FAM3B: variants seen among roughly 807,000 people sequenced by gnomAD.
FAM3B encodes the protein protein FAM3B.
In FAM3B, 29 loss-of-function variants were observed where a neutral mutation model predicts 28.4. The observed-to-expected ratio is 1.02, with a 90% CI of 0.76 to 1.39. FAM3B has a LOEUF of 1.39. FAM3B is among the 40% of genes most tolerant of loss of function. The probability of loss-of-function intolerance (pLI) is 0.00; values close to 1 mark genes in which losing one functional copy is unlikely to be tolerated. For missense variants in FAM3B, 266 were observed against 293.9 expected, an observed-to-expected ratio of 0.91 and a Z score of 0.69; for synonymous variants, 91 against 103.0, an observed-to-expected ratio of 0.88 and a Z score of 0.71.
At chr21:41,324,839 C>A (rs1189326646) in intron 2 of FAM3B, among the ~76,000 whole-genome samples, 1 of 152,210 alleles carries the variant, frequency 6.6e-6, no homozygotes, top group Non-Finnish European at 1.5e-5. Flanking sequence ...CAGTGGCTCA[C>A]ACCTATAATC....
intron 5 of FAM3B, chr21:41,346,239 G>A (rs2089058544): frequency 6.5e-6 from 1 of 154,458 alleles, no homozygotes; most frequent in South Asian, 2.0e-4. Flanking sequence ...TTGTTGGCCA[G>A]GATATACTAT....
At chr21:41,323,177 G>C (rs1017117214) in intron 2 of FAM3B, 111 bp downstream of exon 2, 1 of 1,418,866 alleles carries the variant, frequency 7.0e-7, no homozygotes, top group African/African-American at 1.4e-5. Context: ...CTTTATATCA[G>C]GAAGGAGGAG....
intron 2 of FAM3B, among the ~76,000 whole-genome samples, chr21:41,328,769 G>C (rs376506985): frequency 1.3e-5 from 2 of 152,214 alleles, no homozygotes; most frequent in Non-Finnish European, 2.9e-5. Flanking sequence ...ATGAGACGGG[G>C]CAGTCAAGGA....
chr21:41,347,047 T>C lies in FAM3B; in HGVS notation c.432T>C (p.Ser144=). 6.2e-7 allele frequency: 1 copy of C among 1,614,122 alleles called. No individual in the cohort carries two copies. The highest frequency in any genetic ancestry group is 2.2e-5 in the East Asian group (1 of 44,874). Reference sequence around the variant, plus strand: ...GACCGATGACAAAGTTTATTCAGAGTGCTGCTCCAAAATCCCTGCTCTTCA... The same window carrying C: ...GACCGATGACAAAGTTTATTCAGAGCGCTGCTCCAAAATCCCTGCTCTTCA... ...NSGPMTKFIQ[S]AAPKSLLFMV... Residue 144 remains serine, a synonymous_variant, in exon 6 of 8, where the codon AGT becomes AGC. Coordinates refer to ENST00000357985, the MANE Select transcript of FAM3B (RefSeq NM_058186.4).
intron 7 of FAM3B, 111 bp from the exon 8 acceptor site, chr21:41,356,997 T>A (rs2089172875): frequency 5.4e-6 from 3 of 553,920 alleles, no homozygotes; most frequent in Middle Eastern, 3.9e-4. Context: ...CCAGCTTTGG[T>A]TGGAGCAAAT....
At chr21:41,343,993 G>A (rs1309119443) in intron 3 of FAM3B, among the ~76,000 whole-genome samples, 2 of 152,240 alleles carry the variant, frequency 1.3e-5, no homozygotes, top group Admixed American at 6.5e-5. Context: ...AGTGGTGCAC[G>A]CTTGTACTTC....
intron 2 of FAM3B, among the ~76,000 whole-genome samples, chr21:41,324,016 C>T (rs2088833867): frequency 6.6e-6 from 1 of 152,168 alleles, no homozygotes; most frequent in East Asian, 1.9e-4. Context: ...ATGGATGGCT[C>T]CTTCTGGCAA....
intron 5 of FAM3B, chr21:41,346,014 CT>C (rs35090853): frequency 8.8e-4 from 198 of 224,484 alleles, no homozygotes; most frequent in South Asian, 3.3e-3. Context: ...GAGAAAAAGC[CT>C]TTTTTTTAAA....
chr21:41,343,978 G>A (rs1428995697), intron 3 of FAM3B, among the ~76,000 whole-genome samples: 1 of 152,160 alleles, frequency 6.6e-6, no homozygotes, highest in East Asian at 1.9e-4. Context: ...AAATTAGCCT[G>A]TTGTAGTGGT....
upstream of FAM3B, among the ~76,000 whole-genome samples, chr21:41,313,986 T>C (rs1414885776): frequency 2.6e-5 from 4 of 152,288 alleles, no homozygotes; most frequent in East Asian, 7.7e-4. Context: ...ATGAATTGCA[T>C]CCACCCCCAC....
chr21:41,304,634 C>T (rs2088672683), intron 1 of FAM3B, among the ~76,000 whole-genome samples: 1 of 152,226 alleles, frequency 6.6e-6, no homozygotes, highest in South Asian at 2.1e-4. Context: ...CCCCGGCCTG[C>T]AGGCAGCGGG....
intron 3 of FAM3B, among the ~76,000 whole-genome samples, chr21:41,340,234 A>G (rs1601365921): frequency 6.6e-6 from 1 of 150,826 alleles, no homozygotes; most frequent in African/African-American, 2.4e-5. Context: ...GCTCACTGCA[A>G]CCTCCGCCTT....
chr21:41,352,470 G>A (rs1038491169), intron 7 of FAM3B, among the ~76,000 whole-genome samples: 6 of 151,928 alleles, frequency 3.9e-5, no homozygotes, highest in Non-Finnish European at 8.8e-5. Context: ...GGAGGGGAGG[G>A]AAGGGAAGGT....
intron 6 of FAM3B, among the ~76,000 whole-genome samples, 163 bp from the exon 7 acceptor site, chr21:41,348,429 T>C (rs527686243): frequency 6.6e-6 from 1 of 152,300 alleles, no homozygotes; most frequent in East Asian, 1.9e-4. Flanking sequence ...TCAAGAAGCA[T>C]GTGTGCCTCT....
upstream of FAM3B, among the ~76,000 whole-genome samples, chr21:41,313,474 G>A (rs1012141151): frequency 3.5e-4 from 52 of 150,260 alleles, no homozygotes; most frequent in African/African-American, 1.1e-3. Context: ...TATGCATGTC[G>A]CATTTGATCC....
intron 1 of FAM3B, among the ~76,000 whole-genome samples, chr21:41,318,433 G>A (rs1185777832): frequency 6.6e-6 from 1 of 152,144 alleles, no homozygotes; most frequent in Non-Finnish European, 1.5e-5. Flanking sequence ...CCTTGAAGTG[G>A]GCGTTGGCCT....
Position 41,331,627 on chromosome 21 carries a change from G to A in FAM3B, c.164-6751G>A, listed in dbSNP as rs1230531005. 2.6e-5 allele frequency among the ~76,000 whole-genome samples: 4 copies of A among 152,218 alleles called. No individual in the cohort carries two copies. In the East Asian group the frequency reaches 5.8e-4, roughly 22 times the overall value. Reference sequence around the variant, plus strand: ...TGACTTTTTATGTGGTGTGAGATGAGGATCTAATTTCATTCTTCTGCATAT... The same window carrying A: ...TGACTTTTTATGTGGTGTGAGATGAAGATCTAATTTCATTCTTCTGCATAT... On this transcript the variant is annotated intron_variant, in intron 2 of 7. Transcript: ENST00000357985.
At chr21:41,341,791 CTT>C (rs1272383798) in intron 3 of FAM3B, among the ~76,000 whole-genome samples, 1 of 152,196 alleles carries the variant, frequency 6.6e-6, no homozygotes, top group African/African-American at 2.4e-5. Context: ...GTTTATGTCT[CTT>C]GGTGCACATG....
intron 1 of FAM3B, among the ~76,000 whole-genome samples, chr21:41,306,717 A>G (rs2088684751): frequency 6.6e-6 from 1 of 152,170 alleles, no homozygotes; most frequent in Non-Finnish European, 1.5e-5. Context: ...TTGTTTTTCC[A>G]TTTCTGGACC....
Sources: allele counts gnomAD v4.1 joint callset (sites outside exome capture counted in the v4.1 genomes callset), GRCh38; gene constraint gnomAD v4.1.1; transcripts MANE v1.5; gene names NCBI Gene and HGNC (gene_info 2026-07-23, HGNC 2026-07-21).